Variants in KIF17 observed in about 807,000 individuals in gnomAD.
The protein encoded by KIF17 is kinesin-like protein KIF17.
KIF17 carries 80 observed loss-of-function variants against 96.8 expected under a neutral mutation model. That is an observed-to-expected ratio of 0.83 (90% confidence interval 0.69 to 1.00). KIF17 has a LOEUF of 1.00. Ranked by LOEUF, KIF17 falls within the 50% of genes least tolerant of loss-of-function variation. KIF17 has a pLI of 0.00. For missense variants in KIF17, 1,280 were observed against 1,372.9 expected (o/e 0.93, Z 1.07); for synonymous variants, 567 against 587.5 (o/e 0.97, Z 0.51).
At chr1:20,710,796 AGGGACT>A (rs2054422090) in intron 3 of KIF17, among the ~76,000 whole-genome samples, 1 of 152,192 alleles carries the variant, frequency 6.6e-6, no homozygotes, top group African/African-American at 2.4e-5. Flanking sequence ...AGCCCCACCA[AGGGACT>A]GGGCTTCATG....
chr1:20,717,559 T>C lies in KIF17; in HGVS notation c.148A>G (p.Lys50Glu), dbSNP rs149468609. The change falls in exon 1 of 15, where the codon AAG becomes GAG. Residue 50 changes from lysine to glutamate, a missense_variant. Coordinates refer to ENST00000400463, the MANE Select transcript of KIF17 (RefSeq NM_001122819.3). ...TAGGCGCCGTCGAAGGTGAACTGCT[T>C]GGGCGGCTCGTCGGCGGCGCCCGGG... ...QNPGAADEPP[K>E]QFTFDGAYHV... 2,386 of 1,611,582 alleles carry C rather than the reference T, an allele frequency of 1.5e-3. 4 individuals carry two copies. The highest frequency in any genetic ancestry group is 1.8e-3 in the Admixed American group (106 of 59,946).
Position 20,690,270 on chromosome 1 carries a change from C to T in KIF17, c.1299G>A (p.Arg433=). 1 of 1,563,394 alleles carries T rather than the reference C, an allele frequency of 6.4e-7. No homozygotes were observed. Among genetic ancestry groups the T allele is most frequent in the Non-Finnish European group, 8.7e-7 (1 of 1,148,732 alleles). The change falls in exon 7 of 15, where the codon AGG becomes AGA. Residue 433 remains arginine (R), a synonymous_variant. Transcript: ENST00000400463. ...GCATGGCAGTGATGTCTTCCTCCAGCCTGGCCCGAGACTCCTGCTCGGCCT... is the reference window on the plus strand; with the variant it reads ...GCATGGCAGTGATGTCTTCCTCCAGTCTGGCCCGAGACTCCTGCTCGGCCT... ...DYKAEQESRA[R]LEEDITAMRN... is the part of the protein sequence containing the mutation.
chr1:20,687,079 A>C lies in KIF17; in HGVS notation c.1938+309T>G, dbSNP rs942125910. 6.6e-6 allele frequency among the ~76,000 whole-genome samples: 1 copy of C among 152,192 alleles called. No individual in the cohort carries two copies. Among genetic ancestry groups the C allele is most frequent in the Non-Finnish European group, 1.5e-5 (1 of 68,038 alleles). Reference sequence around the variant, plus strand: ...CTGGACACTCACTGTAACCATGGCAACTGGGCAAACGCCCTGTACAGCTGT... The same window carrying C: ...CTGGACACTCACTGTAACCATGGCACCTGGGCAAACGCCCTGTACAGCTGT... On this transcript the variant is annotated intron_variant, in intron 8 of 14. Coordinates refer to ENST00000400463, the MANE Select transcript of KIF17 (RefSeq NM_001122819.3). This position sits in a 1 kb window ranked among gnomAD's most constrained non-coding sequence, Gnocchi z 4.4.
intron 6 of KIF17, among the ~76,000 whole-genome samples, chr1:20,691,580 A>T (rs923956654): frequency 6.6e-6 from 1 of 150,376 alleles, no homozygotes; most frequent in South Asian, 2.1e-4. Flanking sequence ...CAGCCTCCCA[A>T]GTAGCTGGGA....
Position 20,670,498 on chromosome 1 carries a change from G to C in KIF17, c.2723-10C>G, listed in dbSNP as rs1160002341. Reference sequence around the variant, plus strand: ...TGTGGCCCAGTTGAAACTGCTATGAGAAAACAAAAGCTGAAGTCACTGCTG... The same window carrying C: ...TGTGGCCCAGTTGAAACTGCTATGACAAAACAAAAGCTGAAGTCACTGCTG... On this transcript the variant is annotated splice_polypyrimidine_tract_variant and intron_variant, in intron 12 of 14. Transcript: ENST00000400463. 9.3e-6 allele frequency: 15 copies of C among 1,613,848 alleles called. No individual in the cohort carries two copies. The highest frequency in any genetic ancestry group is 1.2e-5 in the Non-Finnish European group (14 of 1,179,980).
In KIF17 at chr1:20,664,575, C is replaced by A; in HGVS notation, c.*9G>T. ...TGCCTATAAGGCAGGCAATGGCAAGCAGCTGTGCTCACAGAGGCTCACTGC... is the reference window on the plus strand; with the variant it reads ...TGCCTATAAGGCAGGCAATGGCAAGAAGCTGTGCTCACAGAGGCTCACTGC... On this transcript the variant is annotated 3_prime_UTR_variant, in exon 15 of 15. Coordinates refer to ENST00000400463, the MANE Select transcript of KIF17 (RefSeq NM_001122819.3). The A allele has an allele frequency of 6.2e-7, 1 of 1,614,060 alleles. No individual in the cohort carries two copies. Among genetic ancestry groups the A allele is most frequent in the Non-Finnish European group, 8.5e-7 (1 of 1,180,024 alleles).
intron 6 of KIF17, among the ~76,000 whole-genome samples, chr1:20,694,263 A>G (rs545650356): frequency 6.6e-5 from 10 of 152,146 alleles, no homozygotes; most frequent in African/African-American, 2.4e-4. Context: ...ACACCCAGCT[A>G]ATTTTTTATA....
At chr1:20,705,550 G>T (rs571490597) in intron 4 of KIF17, among the ~76,000 whole-genome samples, 1 of 152,178 alleles carries the variant, frequency 6.6e-6, no homozygotes, top group Non-Finnish European at 1.5e-5. Context: ...CTGTGCCGGC[G>T]CGCAGAACTG....
At chr1:20,714,338 A>T (rs2154537963) in intron 2 of KIF17, among the ~76,000 whole-genome samples, 1 of 151,764 alleles carries the variant, frequency 6.6e-6, no homozygotes, top group South Asian at 2.1e-4. Context: ...AAAAAAAAAA[A>T]AATTAGCTGC....
In KIF17 at chr1:20,704,734, T is replaced by A. The variant is rs769513525; in HGVS notation, c.836A>T (p.Asp279Val). The A allele has an allele frequency of 6.2e-7, 1 of 1,612,886 alleles. No individual in the cohort carries two copies. Among genetic ancestry groups the A allele is most frequent in the Non-Finnish European group, 8.5e-7 (1 of 1,179,340 alleles). Reference protein sequence around the residue: ...ALGNVISALVDGRCKHVPYRD... With the variant: ...ALGNVISALVVGRCKHVPYRD... ...GTAGGGGACGTGCTTACAGCGCCCG[T>A]CCACCAGCGCCGAGATGACATTGCC... Residue 279 changes from aspartate to valine, a missense_variant, in exon 5 of 15, where the codon GAC (aspartate) becomes GTC (valine). Transcript: ENST00000400463. The surrounding 1 kb of genome is among the most constrained non-coding windows in gnomAD (Gnocchi z 6.8).
In KIF17 at chr1:20,704,201, G is replaced by A. The variant is rs1033713160; in HGVS notation, c.1123+246C>T. 1.3e-4 allele frequency among the ~76,000 whole-genome samples: 20 copies of A among 152,052 alleles called. No individual in the cohort carries two copies. Among genetic ancestry groups the A allele is most frequent in the Non-Finnish European group, 2.5e-4 (17 of 67,988 alleles). On this transcript the variant is annotated intron_variant, in intron 5 of 14. Coordinates refer to ENST00000400463, the MANE Select transcript of KIF17 (RefSeq NM_001122819.3). This position sits in a 1 kb window ranked among gnomAD's most constrained non-coding sequence, Gnocchi z 6.8. ...GATAATGGATGAGCAGATGAGAGGC[G>A]GGGAGTGGGCAACAGCCTGCGTCAG...
chr1:20,675,677 G>C (rs1196213808), intron 11 of KIF17, among the ~76,000 whole-genome samples: 1 of 151,994 alleles, frequency 6.6e-6, no homozygotes, highest in East Asian at 1.9e-4. Flanking sequence ...GTAAACTTTA[G>C]GATCAGCTTA....
intron 2 of KIF17, 113 bp from the exon 3 acceptor site, chr1:20,713,668 G>T: frequency 2.5e-6 from 2 of 786,160 alleles, no homozygotes; most frequent in African/African-American, 1.7e-5. Context: ...GGAGGAGAAG[G>T]GACATCGGGG....
At chr1:20,674,136 C>T (rs2053696023) in intron 11 of KIF17, among the ~76,000 whole-genome samples, 1 of 152,020 alleles carries the variant, frequency 6.6e-6, no homozygotes, top group South Asian at 2.1e-4. Flanking sequence ...CCTGTGTTGC[C>T]CAGGCTTGTC....
chr1:20,707,306 T>C (rs11587009), intron 4 of KIF17, among the ~76,000 whole-genome samples: 2,757 of 152,294 alleles, frequency 0.018, 71 homozygotes, highest in African/African-American at 0.061. Context: ...TGGAAACCAA[T>C]TGTCAAGGAC....
intron 11 of KIF17, among the ~76,000 whole-genome samples, chr1:20,676,083 G>A (rs984822255): frequency 6.6e-6 from 1 of 152,020 alleles, no homozygotes; most frequent in Non-Finnish European, 1.5e-5. Context: ...CCTCACACAT[G>A]TACCAAGATA....
intron 14 of KIF17, among the ~76,000 whole-genome samples, chr1:20,665,989 A>G (rs2053519485): frequency 6.6e-6 from 1 of 152,212 alleles, no homozygotes; most frequent in African/African-American, 2.4e-5. Flanking sequence ...TGGAGCAAAG[A>G]GGAGACTCTG....
In KIF17 at chr1:20,709,966, C is replaced by G; in HGVS notation, c.481-138G>C. 2.5e-6 allele frequency: 2 copies of G among 794,950 alleles called. No individual in the cohort carries two copies. The highest frequency in any genetic ancestry group is 3.3e-4 in the Middle Eastern group (1 of 3,060). The allele number at this position is 794,950 out of a possible 1,614,324, so 49.2% of individuals were successfully genotyped here. The stretch of plus-strand genomic sequence containing the variant: ...TAATGCAGGCTGGCACCTCACATGC[C>G]TGTCACAGGGAGGGGTGTGTTCCAG... On this transcript the variant is annotated intron_variant, in intron 3 of 14. Transcript: ENST00000400463. The surrounding 1 kb of genome is among the most constrained non-coding windows in gnomAD (Gnocchi z 4.7).
intron 11 of KIF17, among the ~76,000 whole-genome samples, chr1:20,674,378 A>T (rs1281486867): frequency 6.6e-6 from 1 of 152,166 alleles, no homozygotes; most frequent in East Asian, 1.9e-4. Context: ...TCCAGTCCTC[A>T]GCCTCCTGAG....
Sources: gnomAD v4.1 joint callset for allele counts (sites outside exome capture counted in the v4.1 genomes callset) on GRCh38, gnomAD v4.1.1 for gene constraint, Gnocchi (gnomAD v3.1) non-coding constraint, MANE v1.5 for transcripts, NCBI Gene and HGNC (gene_info 2026-07-23, HGNC 2026-07-21) for gene names.